BPTF: variants seen among roughly 807,000 people sequenced by gnomAD.
The protein encoded by BPTF is nucleosome-remodeling factor subunit BPTF.
A neutral mutation model predicts 292.5 loss-of-function variants in BPTF; 18 were observed. The observed-to-expected ratio is 0.06, with a 90% CI of 0.04 to 0.09. The LOEUF (loss-of-function observed/expected upper bound fraction) is 0.09, where lower values mean the gene tolerates loss of function less well. Among genes scored for constraint, BPTF ranks in the 10% least tolerant of loss-of-function variants. BPTF has a pLI of 1.00. For missense variants in BPTF, 2,726 were observed against 3,498.7 expected (o/e 0.78, Z 5.57); for synonymous variants, 1,225 against 1,251.9 (o/e 0.98, Z 0.45).
rs149331683 is a variant in BPTF at position 67,918,830 on chromosome 17, C to T, written c.5420C>T (p.Thr1807Ile). The change falls in exon 12 of 28, where the codon ACA becomes ATA. Residue 1807 changes from threonine to isoleucine, a missense_variant. By Grantham distance (89) the Thr-to-Ile change is moderately conservative (BLOSUM62 -1). Around this residue, in one of 22 missense-constraint regions of BPTF, gnomAD observed 198 missense variants for 277.1 expected, o/e 0.71. Transcript: ENST00000306378. ...AAGGCTCCTCCAGGAGGAGGGACTA[C>T]ACGGACAGGTAAGGGGGAAGGGAGT... ...AAKAPPGGGTTRTETSETEIT... is the reference protein window; with the variant it reads ...AAKAPPGGGTIRTETSETEIT... The T allele has an allele frequency of 6.2e-7, 1 of 1,613,214 alleles. No homozygotes were observed. Among genetic ancestry groups the T allele is most frequent in the Non-Finnish European group, 8.5e-7 (1 of 1,179,424 alleles).
chr17:67,862,191 G>T (rs993323902), intron 2 of BPTF, among the ~76,000 whole-genome samples: 8 of 152,084 alleles, frequency 5.3e-5, no homozygotes, highest in African/African-American at 1.9e-4. Context: ...GGCCAGTCTG[G>T]TTTTGGACTC....
At chr17:67,980,811 T>A (rs2070255493) in intron 27 of BPTF, among the ~76,000 whole-genome samples, 1 of 152,176 alleles carries the variant, frequency 6.6e-6, no homozygotes, top group Non-Finnish European at 1.5e-5. Context: ...TTGACATAAT[T>A]TTCATTAAAG....
Position 67,909,590 on chromosome 17 carries a change from A to C in BPTF, c.2821A>C (p.Asn941His), listed in dbSNP as rs775094744. ...YRKSLEGTKN[N>H]MDENMDESDK... ...TACATGGTTCTTTTTAGCCAAAAAT[A>C]ATATGGATGAAAATATGGATGAGTC... Residue 941 changes from asparagine to histidine, a missense_variant, in exon 10 of 28, where the codon AAT becomes CAT. Around this residue, in one of 22 missense-constraint regions of BPTF, gnomAD observed 713 missense variants for 714.9 expected, o/e 1.00. Transcript: ENST00000306378. 6.4e-7 allele frequency: 1 copy of C among 1,551,534 alleles called. No homozygotes were observed.
chr17:67,932,781 T>C (rs1033807942), intron 18 of BPTF, among the ~76,000 whole-genome samples: 5 of 150,990 alleles, frequency 3.3e-5, no homozygotes, highest in African/African-American at 7.3e-5. Context: ...TAAAATCAAA[T>C]TACTACAAAA....
chr17:67,966,724 A>G (rs2068138044), intron 26 of BPTF, 68 bp downstream of exon 26: 6 of 1,271,086 alleles, frequency 4.7e-6, no homozygotes, highest in Non-Finnish European at 6.3e-6. Flanking sequence ...CCATAAAATT[A>G]ATATCTTAGA....
chr17:67,872,408 T>C (rs2059796698), intron 3 of BPTF, among the ~76,000 whole-genome samples: 1 of 152,122 alleles, frequency 6.6e-6, no homozygotes, highest in Admixed American at 6.6e-5. Flanking sequence ...AGAAAAGCTA[T>C]AGGATGTAGT....
intron 4 of BPTF, among the ~76,000 whole-genome samples, chr17:67,883,606 T>C (rs1365708862): frequency 1.3e-5 from 2 of 152,148 alleles, no homozygotes; most frequent in Non-Finnish European, 2.9e-5. Flanking sequence ...GTTTTGTTTG[T>C]GTGTGTTTTT....
At chr17:67,960,594 A>AAAAAAT (rs2067386324) in intron 24 of BPTF, among the ~76,000 whole-genome samples, 1 of 152,224 alleles carries the variant, frequency 6.6e-6, no homozygotes, top group Non-Finnish European at 1.5e-5. Flanking sequence ...TCATTTTACA[A>AAAAAAT]AATATTTAAC....
Position 67,826,020 on chromosome 17 carries a change from G to A in BPTF, c.296G>A (p.Gly99Asp). 5.9e-6 allele frequency: 7 copies of A among 1,187,410 alleles called. No homozygotes were observed. Among genetic ancestry groups the A allele is most frequent in the Non-Finnish European group, 7.4e-6 (7 of 951,512 alleles). The allele number at this position is 1,187,410 out of a possible 1,614,324, so 73.6% of individuals were successfully genotyped here. Residue 99 changes from glycine (G) to aspartate (D), a missense_variant, in exon 1 of 28, where the codon GGC (glycine) becomes GAC (aspartate). Physicochemically the swap from Gly to Asp is moderately conservative, Grantham distance 94. This residue lies in a region of BPTF where 103 missense variants were observed against 72.1 expected (regional missense o/e 1.43). Coordinates refer to ENST00000306378, the MANE Select transcript of BPTF (RefSeq NM_182641.4). ...APGRGGRGGG[G>D]GRTGGGGGGG... Reference sequence around the variant, plus strand: ...GGCCGGGGGGGGCGAGGAGGCGGGGGCGGCAGGACGGGGGGCGGGGGCGGC... The same window carrying A: ...GGCCGGGGGGGGCGAGGAGGCGGGGACGGCAGGACGGGGGGCGGGGGCGGC...
intron 1 of BPTF, among the ~76,000 whole-genome samples, chr17:67,834,853 A>T (rs2144049526): frequency 6.6e-6 from 1 of 152,252 alleles, no homozygotes; most frequent in Admixed American, 6.5e-5. Context: ...AAGCCTGTGG[A>T]TTCTTTTCAC....
intron 7 of BPTF, among the ~76,000 whole-genome samples, chr17:67,897,173 AC>A (rs145606454): frequency 0.2 from 29,603 of 149,308 alleles, 3,657 homozygotes; most frequent in East Asian, 0.65. Flanking sequence ...CTTAAAAAAA[AC>A]AAAAACAAAA....
intron 25 of BPTF, 58 bp from the exon 26 acceptor site, chr17:67,966,513 GA>G (rs1292013368): frequency 1.3e-6 from 2 of 1,497,336 alleles, no homozygotes; most frequent in African/African-American, 2.8e-5. Context: ...ACTCAACCAG[GA>G]AACTTAAATG....
At chr17:67,833,826 C>G (rs9891128) in intron 1 of BPTF, among the ~76,000 whole-genome samples, 15,326 of 152,014 alleles carry the variant, frequency 0.1, 2,644 homozygotes, top group African/African-American at 0.35. Flanking sequence ...CCTTGGCCTC[C>G]CAAAGTGCTG....
intron 17 of BPTF, among the ~76,000 whole-genome samples, chr17:67,930,989 G>A (rs1019305138): frequency 4.6e-5 from 7 of 151,586 alleles, no homozygotes; most frequent in Admixed American, 2.0e-4. Context: ...TAGCTGGGCC[G>A]GATGCGGTGG....
Position 67,912,557 on chromosome 17 carries a change from G to A in BPTF, c.4673G>A (p.Ser1558Asn). The change falls in exon 11 of 28, where the codon AGT becomes AAT. Residue 1558 changes from serine (S) to asparagine (N), a missense_variant. Coordinates refer to ENST00000306378, the MANE Select transcript of BPTF (RefSeq NM_182641.4). Reference protein sequence around the residue: ...PITSEEESNLSNDFIDENGLP... With the variant: ...PITSEEESNLNNDFIDENGLP... ...ACTTCTGAAGAGGAATCTAATCTCA[G>A]TAATGACTTTATTGATGAAAATGGT... 3 of 1,613,814 alleles carry A rather than the reference G, an allele frequency of 1.9e-6. No individual in the cohort carries two copies. The highest frequency in any genetic ancestry group is 2.5e-6 in the Non-Finnish European group (3 of 1,179,866).
chr17:67,851,863 G>A (rs2058429314), intron 1 of BPTF, among the ~76,000 whole-genome samples: 1 of 150,944 alleles, frequency 6.6e-6, no homozygotes, highest in South Asian at 2.1e-4. Flanking sequence ...TCTGAGAACA[G>A]TTATCTCATT....
intron 7 of BPTF, among the ~76,000 whole-genome samples, chr17:67,898,135 C>T (rs1165506626): frequency 6.6e-6 from 1 of 152,136 alleles, no homozygotes; most frequent in East Asian, 1.9e-4. Context: ...TTTGGAAGGC[C>T]AAGGCGAGTG....
intron 7 of BPTF, among the ~76,000 whole-genome samples, chr17:67,896,244 G>A (rs2146396820): frequency 6.6e-6 from 1 of 152,332 alleles, no homozygotes; most frequent in East Asian, 1.9e-4. Flanking sequence ...TTACAGGCAT[G>A]AGTGACTGCA....
chr17:67,910,524 G>A (rs931731001), intron 10 of BPTF, among the ~76,000 whole-genome samples: 1 of 152,132 alleles, frequency 6.6e-6, no homozygotes, highest in Non-Finnish European at 1.5e-5. Context: ...TTTTGGCTGG[G>A]CGTGGTGGCT....
Sources: gnomAD v4.1 joint callset for allele counts (sites outside exome capture counted in the v4.1 genomes callset) on GRCh38, gnomAD v4.1.1 for gene constraint, gnomAD v4.1.1 regional missense constraint, MANE v1.5 for transcripts, NCBI Gene and HGNC (gene_info 2026-07-23, HGNC 2026-07-21) for gene names.